The following TRIM44 variants were observed in gnomAD, a reference collection of about 807,000 sequenced individuals.
The protein encoded by TRIM44 is tripartite motif containing 44, also known as tripartite motif-containing protein 44.
In TRIM44, 13 loss-of-function variants were observed where a neutral mutation model predicts 37.4. The ratio of observed to expected loss-of-function variants is 0.35; its 90% CI spans 0.23 to 0.55. The LOEUF is 0.55. TRIM44 is among the 20% of genes least tolerant of loss of function. The probability of loss-of-function intolerance (pLI) is 0.89; values close to 1 mark genes in which losing one functional copy is unlikely to be tolerated. For missense variants in TRIM44, 426 were observed against 437.2 expected (o/e 0.97, Z 0.23); for synonymous variants, 175 against 157.2 (o/e 1.11, Z -0.85).
At chr11:35,716,971 G>C (rs1223782870) in intron 2 of TRIM44, among the ~76,000 whole-genome samples, 1 of 152,192 alleles carries the variant, frequency 6.6e-6, no homozygotes, top group Non-Finnish European at 1.5e-5. Flanking sequence ...AAAGTGCTTA[G>C]AATAGTGTCT....
chr11:35,716,840 T>G (rs1852044571), intron 2 of TRIM44, among the ~76,000 whole-genome samples: 1 of 152,210 alleles, frequency 6.6e-6, no homozygotes, highest in South Asian at 2.1e-4. Flanking sequence ...TGCTACGTAC[T>G]GTATGCCTGA....
chr11:35,689,284 A>C (rs562286461), intron 2 of TRIM44, among the ~76,000 whole-genome samples: 8 of 152,352 alleles, frequency 5.3e-5, no homozygotes, highest in Admixed American at 2.0e-4. Context: ...AATCAGAGCC[A>C]GTGATGGTTA....
chr11:35,768,111 G>A (rs1030691097), intron 4 of TRIM44, among the ~76,000 whole-genome samples: 3 of 152,194 alleles, frequency 2.0e-5, no homozygotes, highest in African/African-American at 4.8e-5. Context: ...AAACTTAGAC[G>A]GGGAATGGGG....
chr11:35,799,509 T>G (rs965996950), intron 4 of TRIM44, among the ~76,000 whole-genome samples: 1 of 152,222 alleles, frequency 6.6e-6, no homozygotes, highest in African/African-American at 2.4e-5. Context: ...TTCCATCTCT[T>G]CATGGTAGGT....
At chr11:35,714,578 T>C (rs904683288) in intron 2 of TRIM44, among the ~76,000 whole-genome samples, 9 of 152,154 alleles carry the variant, frequency 5.9e-5, no homozygotes, top group African/African-American at 1.9e-4. Flanking sequence ...TGTGTTTTAA[T>C]AAAATACAAA....
chr11:35,694,505 CAAAT>C (rs919575913), intron 2 of TRIM44, among the ~76,000 whole-genome samples: 2 of 152,100 alleles, frequency 1.3e-5, no homozygotes, highest in Non-Finnish European at 2.9e-5. Context: ...AAATCCTTCA[CAAAT>C]AAAAGTATAC....
At chr11:35,726,588 G>A (rs1404343741) in intron 3 of TRIM44, among the ~76,000 whole-genome samples, 4 of 151,930 alleles carry the variant, frequency 2.6e-5, no homozygotes, top group Non-Finnish European at 4.4e-5. Flanking sequence ...TAGTGAAAAG[G>A]TGTCTCAAGC....
intron 4 of TRIM44, among the ~76,000 whole-genome samples, chr11:35,751,106 A>T (rs1464723857): frequency 1.3e-5 from 2 of 152,226 alleles, no homozygotes; most frequent in Non-Finnish European, 2.9e-5. Context: ...CACAGAGTAG[A>T]CACTCAAATC....
chr11:35,755,849 G>A (rs1401607733), intron 4 of TRIM44, among the ~76,000 whole-genome samples: 94 of 149,900 alleles, frequency 6.3e-4, no homozygotes, highest in South Asian at 8.5e-4. Context: ...GTTCTGTTCT[G>A]TTCCATTGGT....
At chr11:35,788,230 A>C (rs1853154745) in intron 4 of TRIM44, among the ~76,000 whole-genome samples, 3 of 152,144 alleles carry the variant, frequency 2.0e-5, no homozygotes, top group South Asian at 2.1e-4. Flanking sequence ...GCTGCTTATG[A>C]TTTGGGTGGG....
At chr11:35,696,254 G>C (rs949720914) in intron 2 of TRIM44, among the ~76,000 whole-genome samples, 2 of 149,950 alleles carry the variant, frequency 1.3e-5, no homozygotes, top group Admixed American at 6.7e-5. Context: ...CCATTCTCCT[G>C]CCTCAGCCTC....
At chr11:35,750,862 A>C (rs1370907529) in intron 4 of TRIM44, among the ~76,000 whole-genome samples, 2 of 152,216 alleles carry the variant, frequency 1.3e-5, no homozygotes, top group Non-Finnish European at 2.9e-5. Context: ...AGGGGTATAG[A>C]AAATGAAGGT....
intron 4 of TRIM44, among the ~76,000 whole-genome samples, chr11:35,805,123 C>CT (rs1346467631): frequency 6.6e-6 from 1 of 152,122 alleles, no homozygotes; most frequent in African/African-American, 2.4e-5. Flanking sequence ...GGACACAGAC[C>CT]TTACTATGTG....
intron 4 of TRIM44, among the ~76,000 whole-genome samples, chr11:35,797,769 G>T (rs1853312237): frequency 6.6e-6 from 1 of 152,186 alleles, no homozygotes; most frequent in Admixed American, 6.5e-5. Context: ...TCAGAGCCGA[G>T]AGGAGCCTAT....
intron 4 of TRIM44, among the ~76,000 whole-genome samples, chr11:35,804,542 C>T (rs1413011985): frequency 6.6e-6 from 1 of 152,120 alleles, no homozygotes; most frequent in African/African-American, 2.4e-5. Flanking sequence ...CCATGCTGCC[C>T]TCATATTTGA....
intron 1 of TRIM44, among the ~76,000 whole-genome samples, chr11:35,675,260 T>A (rs1010449449): frequency 6.6e-6 from 1 of 152,232 alleles, no homozygotes. Context: ...ATAGTTGTTG[T>A]AGATCAGTGT....
intron 4 of TRIM44, among the ~76,000 whole-genome samples, chr11:35,759,186 G>A (rs902674490): frequency 5.3e-5 from 8 of 152,198 alleles, no homozygotes; most frequent in African/African-American, 1.4e-4. Context: ...TTTCTTGGAG[G>A]CTTTGTTGGT....
intron 2 of TRIM44, among the ~76,000 whole-genome samples, chr11:35,722,708 T>G (rs1425927424): frequency 6.6e-6 from 1 of 152,206 alleles, no homozygotes; most frequent in Non-Finnish European, 1.5e-5. Context: ...GCAAACGTGC[T>G]TTATCAGCAA....
chr11:35,771,168 T>C (rs1260414937), intron 4 of TRIM44, among the ~76,000 whole-genome samples: 2 of 152,168 alleles, frequency 1.3e-5, no homozygotes, highest in African/African-American at 4.8e-5. Context: ...CCTAGAGAGT[T>C]GTTGAATGGC....
Sources: gnomAD v4.1 joint callset for allele counts (sites outside exome capture counted in the v4.1 genomes callset) on GRCh38, gnomAD v4.1.1 for gene constraint, MANE v1.5 for transcripts, NCBI Gene and HGNC (gene_info 2026-07-23, HGNC 2026-07-21) for gene names.